The following SCAI variants were observed in gnomAD, a reference collection of about 807,000 sequenced individuals.
SCAI encodes suppressor of cancer cell invasion.
Under a neutral mutation model 92.2 loss-of-function variants are expected in SCAI, and 24 were observed. The ratio of observed to expected loss-of-function variants is 0.26; its 90% CI spans 0.19 to 0.37. The LOEUF (loss-of-function observed/expected upper bound fraction) is 0.37. Ranked by LOEUF, SCAI falls within the 10% of genes least tolerant of loss-of-function variation. The probability of loss-of-function intolerance (pLI) is 1.00; values close to 1 mark genes in which losing one functional copy is unlikely to be tolerated. For synonymous variants in SCAI, 261 were observed against 258.6 expected, an observed-to-expected ratio of 1.01 and a Z score of -0.09; for missense variants, 450 against 736.2, an observed-to-expected ratio of 0.61 and a Z score of 4.50.
In SCAI at chr9:125,073,400, G is replaced by A. The variant is rs1445235315; in HGVS notation, c.99-17393C>T. 3.9e-5 allele frequency among the ~76,000 whole-genome samples: 6 copies of A among 152,180 alleles called. No homozygotes were observed. The South Asian group carries it at 1.0e-3, about 26-fold the overall frequency. On this transcript the variant is annotated intron_variant, in intron 2 of 17. Transcript: ENST00000336505. ...ATTACAGGCGTGAGCCACCGCGCCC[G>A]GCCCTATTTTTAATTTTTTGAGGAA...
At chr9:125,121,113 C>A (rs1435241090) in intron 2 of SCAI, among the ~76,000 whole-genome samples, 1 of 151,578 alleles carries the variant, frequency 6.6e-6, no homozygotes, top group Non-Finnish European at 1.5e-5. Flanking sequence ...TAATAAAATT[C>A]TAAATTGTGC....
chr9:125,048,522 AAGAAGG>A (rs1359665862), intron 3 of SCAI, among the ~76,000 whole-genome samples: 2 of 152,192 alleles, frequency 1.3e-5, no homozygotes, highest in East Asian at 3.9e-4. Context: ...TAATTTTCTG[AAGAAGG>A]AGAAGGAGAA....
chr9:125,041,436 A>T (rs888873361), intron 3 of SCAI, among the ~76,000 whole-genome samples: 1 of 152,180 alleles, frequency 6.6e-6, no homozygotes, highest in Non-Finnish European at 1.5e-5. Flanking sequence ...ACTGACAATT[A>T]TTGTGTTTCA....
At position 124,948,551 on chromosome 9, in the gene SCAI, G is replaced by A. The variant is rs1032660209; in HGVS notation, c.*4256C>T. 6.6e-6 allele frequency: 1 copy of A among 152,232 alleles called. No homozygotes were observed. The highest frequency in any genetic ancestry group is 6.5e-5 in the Admixed American group (1 of 15,286). 9.4% of individuals were successfully genotyped at this position (152,232 alleles called of 1,614,324 possible). On this transcript the variant is annotated 3_prime_UTR_variant, in exon 18 of 18. Coordinates refer to ENST00000336505, the MANE Select transcript of SCAI (RefSeq NM_001144877.3). ...TACTGAGAAGACTGGGCTGAGATGA[G>A]GAGATCTGAGTTTTAGTTCTAGCTC...
intron 2 of SCAI, among the ~76,000 whole-genome samples, chr9:125,139,608 A>G (rs1346203765): frequency 6.6e-6 from 1 of 152,234 alleles, no homozygotes; most frequent in Non-Finnish European, 1.5e-5. Context: ...ATATGGCCAA[A>G]GTATTAACCG....
intron 13 of SCAI, among the ~76,000 whole-genome samples, chr9:124,997,824 C>A (rs1457811868): frequency 7.0e-6 from 1 of 142,174 alleles, no homozygotes. Context: ...TGCAGTGAGC[C>A]AAGATAGTGC....
chr9:125,143,520 CGGAGAGGCGGGAGGAGG>C (rs1835726878), exon 1 of SCAI: 4 of 1,210,912 alleles, frequency 3.3e-6, no homozygotes, highest in African/African-American at 1.6e-5. Flanking sequence ...CTGGAGTAGG[CGGAGAGGCGGGAGGAGG>C]GCCTCGCGCC....
At chr9:125,103,057 T>C (rs1834710698) in intron 2 of SCAI, among the ~76,000 whole-genome samples, 1 of 152,128 alleles carries the variant, frequency 6.6e-6, no homozygotes, top group South Asian at 2.1e-4. Context: ...ATTTTTCCAC[T>C]CTCTCAAAGA....
intron 2 of SCAI, among the ~76,000 whole-genome samples, chr9:125,138,528 C>T (rs907081750): frequency 3.9e-5 from 6 of 152,140 alleles, no homozygotes. Flanking sequence ...CATTCTCCTG[C>T]CTCAGCCTCC....
chr9:125,089,272 G>C (rs1834382534), intron 2 of SCAI, among the ~76,000 whole-genome samples: 1 of 152,118 alleles, frequency 6.6e-6, no homozygotes. Flanking sequence ...CTGCTTCTGA[G>C]ACTTCTCTTC....
intron 6 of SCAI, among the ~76,000 whole-genome samples, chr9:125,021,257 G>A (rs1026923734): frequency 2.0e-5 from 3 of 152,126 alleles, no homozygotes; most frequent in African/African-American, 7.2e-5. Context: ...CTACAGGCAG[G>A]AAAATATGAT....
intron 2 of SCAI, among the ~76,000 whole-genome samples, chr9:125,087,181 T>C (rs1001509861): frequency 6.6e-6 from 1 of 152,242 alleles, no homozygotes; most frequent in Non-Finnish European, 1.5e-5. Flanking sequence ...ATCTGACTTA[T>C]CTCTTCTGCT....
intron 14 of SCAI, among the ~76,000 whole-genome samples, chr9:124,992,852 T>A (rs1832163142): frequency 6.6e-6 from 1 of 152,230 alleles, no homozygotes; most frequent in African/African-American, 2.4e-5. Context: ...CCATGATGCA[T>A]TACTTGAGCA....
intron 9 of SCAI, among the ~76,000 whole-genome samples, chr9:125,010,076 G>C (rs1032387900): frequency 2.6e-5 from 4 of 152,164 alleles, no homozygotes; most frequent in African/African-American, 9.7e-5. Context: ...AATAGGAACA[G>C]CTCCGGCCTA....
intron 2 of SCAI, among the ~76,000 whole-genome samples, chr9:125,083,179 T>A (rs1478046963): frequency 6.6e-6 from 1 of 151,728 alleles, no homozygotes; most frequent in East Asian, 1.9e-4. Context: ...AAAAGAGGAG[T>A]TCCCCTGCAC....
chr9:125,101,148 G>A (rs1834669715), intron 2 of SCAI, among the ~76,000 whole-genome samples: 1 of 152,186 alleles, frequency 6.6e-6, no homozygotes, highest in Non-Finnish European at 1.5e-5. Flanking sequence ...GAGACATACT[G>A]AAGAACCAGT....
intron 2 of SCAI, among the ~76,000 whole-genome samples, chr9:125,074,789 G>A (rs951051034): frequency 2.0e-5 from 3 of 151,766 alleles, no homozygotes; most frequent in East Asian, 2.0e-4. Flanking sequence ...CAGATCACCC[G>A]AAGTCAGGAG....
chr9:124,999,677 T>G (rs1253483327), intron 13 of SCAI, among the ~76,000 whole-genome samples: 1 of 152,198 alleles, frequency 6.6e-6, no homozygotes, highest in African/African-American at 2.4e-5. Flanking sequence ...AACATATTTA[T>G]TCAATGAATA....
In SCAI at chr9:124,999,951, C is replaced by T. The variant is rs1832322603; in HGVS notation, c.1184G>A (p.Arg395Gln). The T allele has an allele frequency of 1.9e-6, 3 of 1,594,200 alleles. No homozygotes were observed. The highest frequency in any genetic ancestry group is 2.6e-6 in the Non-Finnish European group (3 of 1,168,846). Residue 395 changes from arginine to glutamine, a missense_variant, in exon 13 of 18, where the codon CGG becomes CAG. Transcript: ENST00000336505. ...GATGGCATCTCCATTAATAATATCC[C>T]GGTTACTATTAGTAAGTACACCTCC... ...DFGGVLTNSN[R>Q]DIINGDAIHK...
Sources: gnomAD v4.1 joint callset for allele counts (sites outside exome capture counted in the v4.1 genomes callset) on GRCh38, gnomAD v4.1.1 for gene constraint, MANE v1.5 for transcripts, NCBI Gene and HGNC (gene_info 2026-07-23, HGNC 2026-07-21) for gene names.